UNC13C: variants seen among roughly 807,000 people sequenced by gnomAD.
UNC13C encodes the protein unc-13 homolog C, also known as protein unc-13 homolog C.
Under a neutral mutation model 245.4 loss-of-function variants are expected in UNC13C, and 174 were observed. That is an observed-to-expected ratio of 0.71 (90% CI 0.63 to 0.80). UNC13C has a LOEUF of 0.80. Among genes scored for constraint, UNC13C ranks in the 30% least tolerant of loss-of-function variants. The pLI is 0.00. For synonymous variants in UNC13C, 992 were observed against 895.1 expected (o/e 1.11, Z -1.93); for missense variants, 2,829 against 2,602.9 (o/e 1.09, Z -1.89).
intron 17 of UNC13C, among the ~76,000 whole-genome samples, chr15:54,341,773 G>A (rs984462513): frequency 2.6e-5 from 4 of 151,978 alleles, no homozygotes; most frequent in African/African-American, 9.7e-5. Context: ...TCAGGAGATC[G>A]AGACCATCCT....
intron 10 of UNC13C, among the ~76,000 whole-genome samples, chr15:54,280,152 G>T (rs2036937880): frequency 6.6e-6 from 1 of 151,992 alleles, no homozygotes; most frequent in Admixed American, 6.6e-5. Context: ...TATACAAGGG[G>T]TTCTGTGGTT....
At chr15:54,109,384 C>T (rs1273174951) in intron 2 of UNC13C, among the ~76,000 whole-genome samples, 1 of 132,318 alleles carries the variant, frequency 7.6e-6, no homozygotes, top group Non-Finnish European at 1.6e-5. Flanking sequence ...CTCTGTCGCC[C>T]AGGCTAGAGT....
At chr15:54,038,124 A>ATATATATTTTTTTTTTTT in intron 2 of UNC13C, among the ~76,000 whole-genome samples, 8 of 45,030 alleles carry the variant, frequency 1.8e-4, no homozygotes, top group Admixed American at 5.0e-4. Flanking sequence ...ATATATATAT[A>ATATATATTTTTTTTTTTT]TTTTTTTTTT....
chr15:54,106,007 T>C (rs1900426999), intron 2 of UNC13C, among the ~76,000 whole-genome samples: 1 of 152,210 alleles, frequency 6.6e-6, no homozygotes, highest in Non-Finnish European at 1.5e-5. Context: ...GTAGATACTT[T>C]CTTCTTGGAG....
In UNC13C at chr15:54,190,531, C is replaced by CT. The variant is rs566742779; in HGVS notation, c.3072-44493dup. Among the ~76,000 whole-genome samples the CT allele has an allele frequency of 3.0e-3, 462 of 151,984 alleles. 3 individuals are homozygous for CT. Among genetic ancestry groups the CT allele is most frequent in the Non-Finnish European group, 5.3e-3 (359 of 67,962 alleles). ...GATAGATTATGCGCCATTCTTCACC[C>CT]TTTTTTCAGTTTTTAACATAACATA... On this transcript the variant is annotated intron_variant, in intron 4 of 32. Transcript: ENST00000260323.
In UNC13C at chr15:54,500,134, G is replaced by A. The variant is rs1210051670; in HGVS notation, c.5116G>A (p.Glu1706Lys). ...AGATGAAAACGAAGATGTGTCAATG[G>A]AATTCCTTCATGGAGCACTGGGAAG... is the stretch of plus-strand genomic sequence containing the variant. ...WLDENEDVSM[E>K]FLHGALGRDK... The change falls in exon 21 of 33, where the codon GAA (glutamate) becomes AAA (lysine). Residue 1706 changes from glutamate (E) to lysine (K), a missense_variant. By Grantham distance (56) the Glu-to-Lys change is moderately conservative. Coordinates refer to ENST00000260323, the MANE Select transcript of UNC13C (RefSeq NM_001080534.3). 1 of 1,611,252 alleles carries A rather than the reference G, an allele frequency of 6.2e-7. No individual in the cohort carries two copies. Among genetic ancestry groups the A allele is most frequent in the Non-Finnish European group, 8.5e-7 (1 of 1,179,020 alleles).
At chr15:54,629,831 T>C (rs561526437), downstream of UNC13C, 10 of 152,308 alleles carry the variant, frequency 6.6e-5, 1 homozygote, top group Admixed American at 6.5e-4. Context: ...TTATTCTGTC[T>C]TTTACAATGT....
At chr15:54,032,963 A>G (rs1373019931) in intron 2 of UNC13C, among the ~76,000 whole-genome samples, 1 of 152,182 alleles carries the variant, frequency 6.6e-6, no homozygotes, top group African/African-American at 2.4e-5. Flanking sequence ...GAATGATACA[A>G]TTGACTTTGG....
intron 19 of UNC13C, among the ~76,000 whole-genome samples, chr15:54,424,034 A>G (rs1567259901): frequency 1.3e-5 from 2 of 151,888 alleles, no homozygotes; most frequent in Non-Finnish European, 2.9e-5. Flanking sequence ...TTAGGTGCTC[A>G]TTGCTGCCTT....
At chr15:54,403,948 G>A (rs77628455) in intron 18 of UNC13C, among the ~76,000 whole-genome samples, 4,469 of 152,082 alleles carry the variant, frequency 0.029, 213 homozygotes, top group African/African-American at 0.1. Context: ...GCATTAATTC[G>A]TAAGGATGGC....
At chr15:54,233,979 T>A (rs2035620719) in intron 4 of UNC13C, among the ~76,000 whole-genome samples, 1 of 152,148 alleles carries the variant, frequency 6.6e-6, no homozygotes, top group Admixed American at 6.5e-5. Context: ...TTTAATGCAA[T>A]AAAAAGTCAA....
the UNC13C span, among the ~76,000 whole-genome samples, chr15:53,930,352 C>G: frequency 6.6e-6 from 1 of 152,142 alleles, no homozygotes; most frequent in Non-Finnish European, 1.5e-5. Flanking sequence ...AAGCAAATCA[C>G]AAGGCCAGAT....
At chr15:54,465,724 G>A (rs1210810702) in intron 19 of UNC13C, among the ~76,000 whole-genome samples, 1 of 151,878 alleles carries the variant, frequency 6.6e-6, no homozygotes, top group Non-Finnish European at 1.5e-5. Context: ...ACAGATATTC[G>A]GCTAACAGGA....
intron 2 of UNC13C, among the ~76,000 whole-genome samples, chr15:54,111,506 C>G (rs980848701): frequency 2.0e-5 from 3 of 152,124 alleles, no homozygotes; most frequent in Admixed American, 6.5e-5. Flanking sequence ...ATGTGAAGAC[C>G]TTGCCTCAGC....
intron 2 of UNC13C, among the ~76,000 whole-genome samples, chr15:54,116,526 A>G (rs961941013): frequency 3.9e-5 from 6 of 152,262 alleles, no homozygotes; most frequent in African/African-American, 1.2e-4. Context: ...AGAACATGCA[A>G]TATTTGTCTT....
chr15:54,572,959 G>A (rs1489101679), intron 30 of UNC13C, among the ~76,000 whole-genome samples: 1 of 150,360 alleles, frequency 6.7e-6, no homozygotes, highest in Admixed American at 6.6e-5. Context: ...TCTTTTTTCT[G>A]TTTTTCTCCC....
intron 19 of UNC13C, among the ~76,000 whole-genome samples, chr15:54,416,389 T>C (rs1022213145): frequency 2.0e-5 from 3 of 152,186 alleles, no homozygotes; most frequent in Admixed American, 2.0e-4. Flanking sequence ...AATATCTAGT[T>C]TTGTGATAAA....
chr15:54,321,902 T>G, intron 13 of UNC13C, 37 bp from the exon 14 acceptor site: 1 of 1,535,628 alleles, frequency 6.5e-7, no homozygotes, highest in Non-Finnish European at 8.8e-7. Flanking sequence ...TTAATTAATT[T>G]CTGTCTTAAA....
intron 22 of UNC13C, among the ~76,000 whole-genome samples, chr15:54,505,673 A>T (rs949709658): frequency 9.2e-5 from 14 of 151,984 alleles, no homozygotes; most frequent in African/African-American, 3.4e-4. Flanking sequence ...TACATTGTAC[A>T]TTAGTAAAGA....
Sources: allele counts gnomAD v4.1 joint callset (sites outside exome capture counted in the v4.1 genomes callset), GRCh38; gene constraint gnomAD v4.1.1; transcripts MANE v1.5; gene names NCBI Gene and HGNC (gene_info 2026-07-23, HGNC 2026-07-21).